Variants in IQSEC1 observed in about 807,000 individuals in gnomAD.
The protein encoded by IQSEC1 is IQ motif and Sec7 domain ArfGEF 1.
Under a neutral mutation model 91.0 loss-of-function variants are expected in IQSEC1, and 31 were observed. That is an observed-to-expected ratio of 0.34 (90% CI 0.26 to 0.46). IQSEC1 has a LOEUF of 0.46. Ranked by LOEUF, IQSEC1 falls within the 20% of genes least tolerant of loss-of-function variation. IQSEC1 has a pLI of 1.00. For missense variants in IQSEC1, 1,388 were observed against 1,575.6 expected, an observed-to-expected ratio of 0.88 and a Z score of 2.02; for synonymous variants, 699 against 662.6, an observed-to-expected ratio of 1.05 and a Z score of -0.84.
At chr3:12,981,495 C>T (rs1342045849) in intron 1 of IQSEC1, among the ~76,000 whole-genome samples, 2 of 152,138 alleles carry the variant, frequency 1.3e-5, no homozygotes, top group African/African-American at 2.4e-5. Flanking sequence ...AGTGTTGTTT[C>T]GTCACAATTC....
intron 1 of IQSEC1, among the ~76,000 whole-genome samples, chr3:13,036,466 A>T (rs1704039016): frequency 6.7e-6 from 1 of 150,334 alleles, no homozygotes; most frequent in African/African-American, 2.5e-5. Flanking sequence ...ATTTTTTTTA[A>T]AAAGAAAATT....
At chr3:13,130,359 AAAAG>A (rs1553567653) in intron 2 of IQSEC1, among the ~76,000 whole-genome samples, 27 of 148,368 alleles carry the variant, frequency 1.8e-4, no homozygotes, top group African/African-American at 4.4e-4. Context: ...AAAAAAAAAA[AAAAG>A]AAAGAAAGAA....
intron 1 of IQSEC1, chr3:12,987,163 C>T (rs529874258): frequency 8.6e-5 from 20 of 232,472 alleles, no homozygotes; most frequent in South Asian, 9.9e-5. Flanking sequence ...CAGCCAGACA[C>T]GTGACACTGC....
chr3:12,927,301 C>A (rs527938738), intron 3 of IQSEC1, among the ~76,000 whole-genome samples: 1 of 152,314 alleles, frequency 6.6e-6, no homozygotes, highest in East Asian at 1.9e-4. Flanking sequence ...ATCAGACCTT[C>A]TGGCGTCCCT....
intron 1 of IQSEC1, among the ~76,000 whole-genome samples, chr3:13,058,249 G>T (rs1350081898): frequency 2.6e-5 from 4 of 152,214 alleles, no homozygotes; most frequent in African/African-American, 4.8e-5. Flanking sequence ...CTCCAGCCTG[G>T]GCGACAGAGG....
chr3:13,257,857 A>C (rs1411438772), intron 1 of IQSEC1, among the ~76,000 whole-genome samples: 13 of 152,248 alleles, frequency 8.5e-5, no homozygotes, highest in Admixed American at 8.5e-4. Context: ...ATGTCCACAC[A>C]AAAACCTACA....
intron 1 of IQSEC1, among the ~76,000 whole-genome samples, chr3:12,965,040 G>A (rs934859432): frequency 6.6e-6 from 1 of 152,084 alleles, no homozygotes; most frequent in Non-Finnish European, 1.5e-5. Flanking sequence ...ATCCTAGCAG[G>A]GCTAGCCAGG....
At chr3:12,917,105 C>T (rs942354220) in intron 6 of IQSEC1, among the ~76,000 whole-genome samples, 3 of 152,130 alleles carry the variant, frequency 2.0e-5, no homozygotes, top group African/African-American at 7.2e-5. Context: ...ATTTTTAGAG[C>T]AGGTGTAGGT....
intron 2 of IQSEC1, among the ~76,000 whole-genome samples, chr3:13,152,827 G>A (rs1054093506): frequency 2.0e-5 from 3 of 152,168 alleles, no homozygotes; most frequent in Non-Finnish European, 4.4e-5. Flanking sequence ...CCAAGATCAC[G>A]CCATTGCACT....
intron 1 of IQSEC1, among the ~76,000 whole-genome samples, chr3:12,957,026 G>A (rs1239659830): frequency 6.6e-6 from 1 of 152,200 alleles, no homozygotes; most frequent in Non-Finnish European, 1.5e-5. Flanking sequence ...AAGTCTTGTG[G>A]CTGGGCTTGT....
chr3:12,993,149 T>TC (rs1702064775), intron 1 of IQSEC1, among the ~76,000 whole-genome samples: 1 of 152,072 alleles, frequency 6.6e-6, no homozygotes, highest in Admixed American at 6.5e-5. Context: ...GCTGTTCTGG[T>TC]CCCCAAGACT....
intron 1 of IQSEC1, among the ~76,000 whole-genome samples, chr3:13,199,172 A>C (rs1465756318): frequency 6.6e-6 from 1 of 152,216 alleles, no homozygotes; most frequent in Non-Finnish European, 1.5e-5. Flanking sequence ...CTCACATCAG[A>C]GAGAGCTCTC....
chr3:13,089,741 G>T (rs1297228912), intron 2 of IQSEC1, among the ~76,000 whole-genome samples: 1 of 152,208 alleles, frequency 6.6e-6, no homozygotes, highest in African/African-American at 2.4e-5. Context: ...ATCCATAGAG[G>T]TAGAAAGCAG....
chr3:13,053,589 C>T (rs1704772188), intron 1 of IQSEC1, among the ~76,000 whole-genome samples: 1 of 152,196 alleles, frequency 6.6e-6, no homozygotes, highest in African/African-American at 2.4e-5. Flanking sequence ...AGTCGGCTCA[C>T]AGCCCCAGCA....
At chr3:13,067,296 TG>T (rs1175701572) in intron 1 of IQSEC1, among the ~76,000 whole-genome samples, 4 of 152,116 alleles carry the variant, frequency 2.6e-5, no homozygotes, top group African/African-American at 9.7e-5. Context: ...AGTAGGCTTT[TG>T]GGGGAAAGCA....
chr3:12,911,754 A>G, intron 9 of IQSEC1, 26 bp from the exon 10 acceptor site: 1 of 1,510,590 alleles, frequency 6.6e-7, no homozygotes, highest in Non-Finnish European at 9.2e-7. Flanking sequence ...GACAGAGCTG[A>G]GCTACAGTGT....
At chr3:13,149,567 G>C (rs1202883420) in intron 2 of IQSEC1, among the ~76,000 whole-genome samples, 1 of 152,148 alleles carries the variant, frequency 6.6e-6, no homozygotes, top group Admixed American at 6.5e-5. Flanking sequence ...CAAAGGCCCG[G>C]AGGGTGATGC....
chr3:12,938,269 C>T (rs901108060), intron 2 of IQSEC1, among the ~76,000 whole-genome samples: 6 of 152,208 alleles, frequency 3.9e-5, no homozygotes, highest in African/African-American at 9.6e-5. Flanking sequence ...GAGGTCCTTG[C>T]CCTCGAGGAG....
intron 1 of IQSEC1, among the ~76,000 whole-genome samples, chr3:13,059,117 C>T (rs1704978428): frequency 6.6e-6 from 1 of 152,104 alleles, no homozygotes; most frequent in Non-Finnish European, 1.5e-5. Flanking sequence ...CTGAGTCTGA[C>T]CTCCTTCCAC....
Sources: gnomAD v4.1 joint callset for allele counts (sites outside exome capture counted in the v4.1 genomes callset) on GRCh38, gnomAD v4.1.1 for gene constraint, MANE v1.5 for transcripts, NCBI Gene and HGNC (gene_info 2026-07-23, HGNC 2026-07-21) for gene names.